FAT1: variants seen among roughly 807,000 people sequenced by gnomAD.
FAT1 encodes protocadherin Fat 1.
FAT1 carries 171 observed loss-of-function variants against 329.8 expected under a neutral mutation model. The ratio of observed to expected loss-of-function variants is 0.52; its 90% CI spans 0.46 to 0.59. The LOEUF is 0.59. FAT1 is among the 20% of genes least tolerant of loss of function. The probability of loss-of-function intolerance (pLI) is 0.00; values close to 1 mark genes in which losing one functional copy is unlikely to be tolerated. For synonymous variants in FAT1, 2,233 were observed against 2,228.6 expected (o/e 1.00, Z -0.06); for missense variants, 5,672 against 5,774.4 (o/e 0.98, Z 0.57).
intron 3 of FAT1, among the ~76,000 whole-genome samples, chr4:186,657,868 G>A (rs1373544700): frequency 2.0e-5 from 3 of 152,180 alleles, no homozygotes. Context: ...AAGACTCTTT[G>A]CAAGGGTGGT....
upstream of FAT1, among the ~76,000 whole-genome samples, chr4:186,724,070 C>T (rs1745615570): frequency 6.7e-6 from 1 of 150,254 alleles, no homozygotes; most frequent in South Asian, 2.1e-4. The surrounding 1 kb of genome is among the most constrained non-coding windows in gnomAD (Gnocchi z 5.3). Context: ...TCTAGCGCGG[C>T]TCCGAGGGGC....
intron 3 of FAT1, among the ~76,000 whole-genome samples, chr4:186,654,464 T>C (rs1439005514): frequency 6.6e-6 from 1 of 152,176 alleles, no homozygotes; most frequent in Non-Finnish European, 1.5e-5. Context: ...CTGGTTTCCC[T>C]TGGGCTATCT....
At chr4:186,648,881 C>T (rs1366197110) in intron 3 of FAT1, among the ~76,000 whole-genome samples, 2 of 152,146 alleles carry the variant, frequency 1.3e-5, no homozygotes, top group African/African-American at 4.8e-5. Flanking sequence ...CTCCTCAGTA[C>T]AGGTGCTGAC....
In FAT1 at chr4:186,588,344, A is replaced by T; in HGVS notation, c.*248T>A. ...CAACACAGGACTGATTTTTCGTTTG[A>T]TTATTTTAACACAGACAGATGTAAA... On this transcript the variant is annotated 3_prime_UTR_variant, in exon 27 of 27. Transcript: ENST00000441802. 6.3e-6 allele frequency: 3 copies of T among 472,536 alleles called. No individual in the cohort carries two copies. Among genetic ancestry groups the T allele is most frequent in the African/African-American group, 3.8e-5 (2 of 52,282 alleles). 29.3% of individuals were successfully genotyped at this position (472,536 alleles called of 1,614,324 possible).
intron 2 of FAT1, among the ~76,000 whole-genome samples, chr4:186,699,694 G>GAA (rs35718096): frequency 3.2e-5 from 4 of 123,344 alleles, no homozygotes; most frequent in Non-Finnish European, 5.4e-5. Flanking sequence ...TCTGCTGTTT[G>GAA]AAAAAAAAAA....
chr4:186,604,308 G>T (rs2126437367), intron 18 of FAT1, 69 bp downstream of exon 18: 1 of 1,311,360 alleles, frequency 7.6e-7, no homozygotes, highest in Non-Finnish European at 1.1e-6. Flanking sequence ...TCAAATAGAA[G>T]AGGGGAACCA....
intron 3 of FAT1, among the ~76,000 whole-genome samples, chr4:186,642,517 A>C (rs1161789220): frequency 6.6e-6 from 1 of 152,222 alleles, no homozygotes; most frequent in Non-Finnish European, 1.5e-5. Context: ...CTAGAGTGAG[A>C]GAGATAAACT....
chr4:186,714,158 A>C (rs1745099283), intron 1 of FAT1, among the ~76,000 whole-genome samples: 1 of 152,164 alleles, frequency 6.6e-6, no homozygotes, highest in Non-Finnish European at 1.5e-5. Flanking sequence ...CAGAAGCTGG[A>C]GGGCGACCAG....
chr4:186,703,838 T>C lies in FAT1; in HGVS notation c.3265+2725A>G, dbSNP rs1381793090. Among the ~76,000 whole-genome samples, 4 of 152,338 alleles carry C rather than the reference T, an allele frequency of 2.6e-5. No homozygotes were observed. In the South Asian group the frequency reaches 8.3e-4, roughly 32 times the overall value. ...TGACACGCATCTTTCCACACTTCCT[T>C]CATGCCCTAGAAATTAGTTAAGACA... On this transcript the variant is annotated intron_variant, in intron 2 of 26. Coordinates refer to ENST00000441802, the MANE Select transcript of FAT1 (RefSeq NM_005245.4).
At chr4:186,626,545 G>A (rs878869953) in intron 9 of FAT1, among the ~76,000 whole-genome samples, 6 of 132,206 alleles carry the variant, frequency 4.5e-5, no homozygotes, top group East Asian at 2.4e-4. Flanking sequence ...ATGGCACCTG[G>A]CACATAAAGT....
chr4:186,631,443 C>T (rs11730297), intron 7 of FAT1, among the ~76,000 whole-genome samples: 29,166 of 146,264 alleles, frequency 0.2, 3,698 homozygotes, highest in Non-Finnish European at 0.28. Flanking sequence ...AGTGTCTCAC[C>T]GTCCAGGTGA....
In FAT1 at chr4:186,619,614, C is replaced by T. The variant is rs1028397303; in HGVS notation, c.6972G>A (p.Gly2324=). 1 of 1,613,922 alleles carries T rather than the reference C, an allele frequency of 6.2e-7. No homozygotes were observed. ...PNRGISYQMF[G]NHSKSHDHFH... ...AATGATCATGACTCTTGCTGTGATTCCCAAACATCTGGTATGAGATTCCTC... is the reference window on the plus strand; with the variant it reads ...AATGATCATGACTCTTGCTGTGATTTCCAAACATCTGGTATGAGATTCCTC... Residue 2324 remains glycine, a synonymous_variant, in exon 10 of 27, where the codon GGG becomes GGA. Coordinates refer to ENST00000441802, the MANE Select transcript of FAT1 (RefSeq NM_005245.4).
upstream of FAT1, among the ~76,000 whole-genome samples, chr4:186,724,048 C>T (rs1745612698): frequency 6.6e-6 from 1 of 151,618 alleles, no homozygotes; most frequent in Admixed American, 6.6e-5. This position sits in a 1 kb window ranked among gnomAD's most constrained non-coding sequence, Gnocchi z 5.3. Context: ...GACGAGAAGG[C>T]GCCCAGCGGG....
chr4:186,681,318 TA>T (rs1295585025), intron 2 of FAT1, among the ~76,000 whole-genome samples: 1 of 152,204 alleles, frequency 6.6e-6, no homozygotes, highest in Non-Finnish European at 1.5e-5. Flanking sequence ...ACTATAAAAA[TA>T]AAGGTATTTA....
At chr4:186,594,337 A>G (rs543541068) in intron 26 of FAT1, among the ~76,000 whole-genome samples, 2 of 152,192 alleles carry the variant, frequency 1.3e-5, no homozygotes, top group African/African-American at 4.8e-5. Flanking sequence ...CTGGGATTAC[A>G]GGCGTGAGCC....
rs746019955 is a variant in FAT1 at position 186,708,720 on chromosome 4, C to G, written c.1108G>C (p.Asp370His). 1.5e-5 allele frequency: 24 copies of G among 1,613,910 alleles called. No homozygotes were observed. Among genetic ancestry groups the G allele is most frequent in the Non-Finnish European group, 2.0e-5 (24 of 1,179,878 alleles). Reference protein sequence around the residue: ...FKAGPVKFEKDVYRAEISEFA... With the variant: ...FKAGPVKFEKHVYRAEISEFA... ...TCACTTATTTCTGCTCTGTAAACAT[C>G]CTTTTCAAACTTGACTGGCCCGGCT... Residue 370 changes from aspartate to histidine, a missense_variant, in exon 2 of 27, where the codon GAT (aspartate) becomes CAT (histidine). By Grantham distance (81) the Asp-to-His change is moderately conservative (BLOSUM62 -1). Around this residue, in one of 2 missense-constraint regions of FAT1, gnomAD observed 3,966 missense variants for 3,915.2 expected, o/e 1.01. Transcript: ENST00000441802.
rs779166422 is a variant in FAT1 at position 186,603,507 on chromosome 4, C to G, written c.11019G>C (p.Val3673=). The change falls in exon 19 of 27, where the codon GTG becomes GTC. Residue 3673 remains valine (V), a synonymous_variant. Coordinates refer to ENST00000441802, the MANE Select transcript of FAT1 (RefSeq NM_005245.4). ...FQRALRNILG[V]RRNDIQIVSL... is the part of the protein sequence containing the mutation. ...TAACAATCTGTATGTCGTTCCTCCT[C>G]ACACCCAGGATGTTCCGTAAAGCTC... 34 of 1,613,978 alleles carry G rather than the reference C, an allele frequency of 2.1e-5. No individual in the cohort carries two copies. Among genetic ancestry groups the G allele is most frequent in the Non-Finnish European group, 2.8e-5 (33 of 1,179,882 alleles).
At chr4:186,621,901 T>C (rs1040937542) in intron 9 of FAT1, 126 bp from the exon 10 acceptor site, 4 of 605,386 alleles carry the variant, frequency 6.6e-6, no homozygotes, top group Admixed American at 3.6e-5. Context: ...ACTCAGGGGA[T>C]GTCAATATTT....
chr4:186,637,492 A>C (rs1024265604), intron 4 of FAT1, among the ~76,000 whole-genome samples: 5 of 152,184 alleles, frequency 3.3e-5, no homozygotes, highest in Non-Finnish European at 7.3e-5. Context: ...TTTTTATAGG[A>C]GTGGACCTAA....
Sources: allele counts gnomAD v4.1 joint callset (sites outside exome capture counted in the v4.1 genomes callset), GRCh38; gene constraint gnomAD v4.1.1; regional missense constraint gnomAD v4.1.1; non-coding constraint Gnocchi (gnomAD v3.1); transcripts MANE v1.5; gene names NCBI Gene and HGNC (gene_info 2026-07-23, HGNC 2026-07-21).